PTPRF: variants seen among roughly 807,000 people sequenced by gnomAD.
PTPRF encodes the protein receptor-type tyrosine-protein phosphatase F.
Under a neutral mutation model 201.8 loss-of-function variants are expected in PTPRF, and 59 were observed. The observed-to-expected ratio is 0.29, with a 90% confidence interval of 0.24 to 0.36. The LOEUF (loss-of-function observed/expected upper bound fraction) is 0.36. PTPRF is among the 10% of genes least tolerant of loss of function. The pLI is 1.00. For synonymous variants in PTPRF, 1,088 were observed against 1,089.7 expected (o/e 1.00, Z 0.03); for missense variants, 2,132 against 2,690.5 (o/e 0.79, Z 4.59).
chr1:43,619,766 C>T lies in PTPRF; in HGVS notation c.5019C>T (p.Ile1673=). 9 of 1,614,262 alleles carry T rather than the reference C, an allele frequency of 5.6e-6. No individual in the cohort carries two copies. The highest frequency in any genetic ancestry group is 7.6e-6 in the Non-Finnish European group (9 of 1,180,020). ...AGTTCAAGAACCGGCTGGTGAACAT[C>T]ATGCCCTACGAATTGACCCGTGTGT... ...CNKFKNRLVN[I]MPYELTRVCL... is the part of the protein sequence containing the mutation. Residue 1673 remains isoleucine, a synonymous_variant, in exon 29 of 34, where the codon ATC becomes ATT. Coordinates refer to ENST00000359947, the MANE Select transcript of PTPRF (RefSeq NM_002840.5).
At chr1:43,539,812 A>G (rs764239279) in intron 2 of PTPRF, among the ~76,000 whole-genome samples, 23 of 152,132 alleles carry the variant, frequency 1.5e-4, no homozygotes, top group Non-Finnish European at 3.1e-4. Flanking sequence ...AGCTGATGGC[A>G]TGTCTGGTGG....
At chr1:43,593,379 G>A (rs554323085) in intron 11 of PTPRF, among the ~76,000 whole-genome samples, 218 of 152,296 alleles carry the variant, frequency 1.4e-3, no homozygotes, top group South Asian at 3.7e-3. Context: ...TCCTGTAACC[G>A]TATTTGTGGG....
Position 43,620,208 on chromosome 1 carries a change from G to A in PTPRF, c.5225G>A (p.Arg1742Gln), listed in dbSNP as rs750789308. Residue 1742 changes from arginine to glutamine, a missense_variant, in exon 30 of 34, where the codon CGG becomes CAG. Transcript: ENST00000359947. ...STIIVMLTKLREMGREKCHQY... is the reference protein window; with the variant it reads ...STIIVMLTKLQEMGREKCHQY... ...ATCATCGTCATGCTGACCAAGCTTC[G>A]GGAGATGGGCAGGGTGAGCCCACCC... 5.6e-6 allele frequency: 9 copies of A among 1,614,002 alleles called. No individual in the cohort carries two copies. Among genetic ancestry groups the A allele is most frequent in the South Asian group, 3.3e-5 (3 of 91,082 alleles).
intron 7 of PTPRF, among the ~76,000 whole-genome samples, chr1:43,585,275 G>A (rs1648834944): frequency 6.6e-6 from 1 of 152,206 alleles, no homozygotes; most frequent in Non-Finnish European, 1.5e-5. Flanking sequence ...CTGTTGGCAT[G>A]GGGGTGGCTG....
Position 43,591,352 on chromosome 1 carries a change from G to T in PTPRF, c.1330G>T (p.Val444Leu), listed in dbSNP as rs756055613. ...WEPPEEPNGL[V>L]RGYRVYYTPD... ...GCCTCCCGAGGAGCCCAACGGCCTG[G>T]TGCGGGGATACCGCGTCTACTATAC... The change falls in exon 9 of 34, where the codon GTG becomes TTG. Residue 444 changes from valine (V) to leucine (L), a missense_variant. Coordinates refer to ENST00000359947, the MANE Select transcript of PTPRF (RefSeq NM_002840.5). 13 of 1,553,264 alleles carry T rather than the reference G, an allele frequency of 8.4e-6. No individual in the cohort carries two copies. The Middle Eastern group carries it at 1.9e-3, about 221-fold the overall frequency.
intron 22 of PTPRF, chr1:43,613,141 T>C: frequency 3.0e-6 from 1 of 335,080 alleles, no homozygotes; most frequent in South Asian, 2.4e-5. Context: ...CTTCTCTCTC[T>C]ATTGTGTCTG....
Position 43,597,736 on chromosome 1 carries a change from T to C in PTPRF, c.1814-12T>C. The C allele has an allele frequency of 6.9e-7, 1 of 1,449,218 alleles. No homozygotes were observed. Among genetic ancestry groups the C allele is most frequent in the Non-Finnish European group, 9.5e-7 (1 of 1,054,952 alleles). 89.8% of individuals were successfully genotyped at this position (1,449,218 alleles called of 1,614,324 possible). On this transcript the variant is annotated splice_polypyrimidine_tract_variant and intron_variant, in intron 11 of 33. Coordinates refer to ENST00000359947, the MANE Select transcript of PTPRF (RefSeq NM_002840.5). ...TCCATCTGCTTGCTTCCCCCCCATT[T>C]GTCTTCCCCAGCCCCCTCCGCCCCT...
chr1:43,608,094 G>T (rs1341013482), intron 21 of PTPRF, among the ~76,000 whole-genome samples: 1 of 152,212 alleles, frequency 6.6e-6, no homozygotes, highest in Non-Finnish European at 1.5e-5. Flanking sequence ...TCCTCCCAGG[G>T]TGGATGGACC....
At chr1:43,525,378 G>A (rs1166806562), upstream of PTPRF, 1 of 152,700 alleles carries the variant, frequency 6.5e-6, no homozygotes, top group African/African-American at 2.4e-5. Flanking sequence ...GGAGCTGTCT[G>A]TCTGCACCGG....
chr1:43,545,496 A>C (rs1007945683), intron 3 of PTPRF, among the ~76,000 whole-genome samples: 11 of 152,102 alleles, frequency 7.2e-5, no homozygotes, highest in Non-Finnish European at 1.0e-4. Flanking sequence ...TCTGTGCTGA[A>C]GGCACAGTGT....
intron 7 of PTPRF, among the ~76,000 whole-genome samples, chr1:43,582,275 C>T (rs1158293753): frequency 1.3e-5 from 2 of 152,238 alleles, no homozygotes; most frequent in Admixed American, 6.5e-5. Context: ...AGCTAGCACT[C>T]GGCTACTAGT....
intron 10 of PTPRF, 101 bp downstream of exon 10, chr1:43,592,049 T>TG: frequency 6.7e-7 from 1 of 1,503,632 alleles, no homozygotes. Flanking sequence ...GTGGCTTATG[T>TG]GGGCACAGCC....
At position 43,554,204 on chromosome 1, in the gene PTPRF, G is replaced by T. The variant is rs993699266; in HGVS notation, c.379+263G>T. On this transcript the variant is annotated intron_variant, in intron 5 of 33. Coordinates refer to ENST00000359947, the MANE Select transcript of PTPRF (RefSeq NM_002840.5). The surrounding 1 kb of genome is among the most constrained non-coding windows in gnomAD (Gnocchi z 4.1). ...GGTCGTTGGTTGGGTGGGGTCTGGG[G>T]TCTGACTTGAGGTGTGGAGCTGCAG... is the stretch of plus-strand genomic sequence containing the variant. Among the ~76,000 whole-genome samples, 1 of 152,192 alleles carries T rather than the reference G, an allele frequency of 6.6e-6. No homozygotes were observed. The highest frequency in any genetic ancestry group is 1.5e-5 in the Non-Finnish European group (1 of 68,042).
chr1:43,553,833 C>G lies in PTPRF; in HGVS notation c.271C>G (p.Leu91Val), dbSNP rs761438626. 8.1e-6 allele frequency: 13 copies of G among 1,614,074 alleles called. No homozygotes were observed. Among genetic ancestry groups the G allele is most frequent in the Non-Finnish European group, 1.1e-5 (13 of 1,180,052 alleles). ...IEFDDGAGSVLRIQPLRVQRD... is the reference protein window; with the variant it reads ...IEFDDGAGSVVRIQPLRVQRD... Reference sequence around the variant, plus strand: ...GTTTGATGATGGGGCAGGGTCAGTGCTTCGGATCCAGCCATTGCGGGTGCA... The same window carrying G: ...GTTTGATGATGGGGCAGGGTCAGTGGTTCGGATCCAGCCATTGCGGGTGCA... Residue 91 changes from leucine (L) to valine (V), a missense_variant, in exon 5 of 34, where the codon CTT (leucine) becomes GTT (valine). Transcript: ENST00000359947. The surrounding 1 kb of genome is among the most constrained non-coding windows in gnomAD (Gnocchi z 4.1).
intron 7 of PTPRF, 122 bp downstream of exon 7, chr1:43,579,042 C>T (rs1557757883): frequency 3.4e-6 from 3 of 873,274 alleles, no homozygotes; most frequent in Non-Finnish European, 5.7e-6. Flanking sequence ...GTCTCTTCTC[C>T]TTCCTGCTTC....
In PTPRF at chr1:43,603,813, C is replaced by G; in HGVS notation, c.2661C>G (p.Thr887=). The change falls in exon 16 of 34, where the codon ACC becomes ACG. Residue 887 remains threonine (T), a synonymous_variant. Coordinates refer to ENST00000359947, the MANE Select transcript of PTPRF (RefSeq NM_002840.5). This position sits in a 1 kb window ranked among gnomAD's most constrained non-coding sequence, Gnocchi z 5.8. ...TCACCGGCCTGCACAAGGGGACCACCTACATCTTCCGGCTTGCTGCCAAGA... is the reference window on the plus strand; with the variant it reads ...TCACCGGCCTGCACAAGGGGACCACGTACATCTTCCGGCTTGCTGCCAAGA... ...FTVTGLHKGT[T]YIFRLAAKNR... is the part of the protein sequence containing the mutation. 4 of 1,614,144 alleles carry G rather than the reference C, an allele frequency of 2.5e-6. No homozygotes were observed. The highest frequency in any genetic ancestry group is 3.4e-6 in the Non-Finnish European group (4 of 1,180,032).
intron 5 of PTPRF, among the ~76,000 whole-genome samples, chr1:43,567,195 T>G (rs1009861495): frequency 1.3e-5 from 2 of 152,034 alleles, no homozygotes; most frequent in African/African-American, 4.8e-5. Flanking sequence ...AGGATGGCCC[T>G]AGCAGCCCCG....
chr1:43,619,400 A>C lies in PTPRF; in HGVS notation c.4759A>C (p.Arg1587=), dbSNP rs1258802692. Residue 1587 remains arginine, a synonymous_variant, in exon 28 of 34, where the codon AGG becomes CGG. Transcript: ENST00000359947. ...CCACGTGACCTGCATGCGATCACAG[A>C]GGAACTACATGGTGCAGACGGAGGA... ...YGHVTCMRSQ[R]NYMVQTEDQY... 3 of 1,614,152 alleles carry C rather than the reference A, an allele frequency of 1.9e-6. No individual in the cohort carries two copies. In the East Asian group the frequency reaches 6.7e-5, roughly 36 times the overall value.
intron 3 of PTPRF, among the ~76,000 whole-genome samples, chr1:43,552,115 GAAAAA>G (rs55696384): frequency 6.6e-6 from 1 of 150,796 alleles, no homozygotes; most frequent in Non-Finnish European, 1.5e-5. Context: ...AAGAAAAAAA[GAAAAA>G]AAAAATTCAC....
Sources: allele counts gnomAD v4.1 joint callset (sites outside exome capture counted in the v4.1 genomes callset), GRCh38; gene constraint gnomAD v4.1.1; non-coding constraint Gnocchi (gnomAD v3.1); transcripts MANE v1.5; gene names NCBI Gene and HGNC (gene_info 2026-07-23, HGNC 2026-07-21).